The following KCNQ5 variants were observed in gnomAD, a reference collection of about 807,000 sequenced individuals.
The protein encoded by KCNQ5 is potassium voltage-gated channel subfamily Q member 5, also known as potassium voltage-gated channel subfamily KQT member 5.
KCNQ5 carries 30 observed loss-of-function variants against 98.2 expected under a neutral mutation model. The ratio of observed to expected loss-of-function variants is 0.31; its 90% CI spans 0.23 to 0.41. The LOEUF (loss-of-function observed/expected upper bound fraction) is 0.41, where lower values mean the gene tolerates loss of function less well. KCNQ5 is among the 10% of genes least tolerant of loss of function. The pLI, the probability that KCNQ5 is intolerant of heterozygous loss-of-function variation, is 1.00. For missense variants in KCNQ5, 835 were observed against 1,182.5 expected (o/e 0.71, Z 4.31); for synonymous variants, 458 against 449.4 (o/e 1.02, Z -0.24).
chr6:72,727,036 G>A (rs1158738570), intron 1 of KCNQ5, among the ~76,000 whole-genome samples: 2 of 152,176 alleles, frequency 1.3e-5, no homozygotes, highest in Non-Finnish European at 2.9e-5. Flanking sequence ...TGAAATATAA[G>A]TCAGTTGGTT....
At chr6:72,921,748 G>A (rs1458855170) in intron 1 of KCNQ5, among the ~76,000 whole-genome samples, 3 of 152,130 alleles carry the variant, frequency 2.0e-5, no homozygotes, top group Admixed American at 6.6e-5. Context: ...CTCTAAATTT[G>A]TTGACTAATC....
intron 3 of KCNQ5, 68 bp downstream of exon 3, chr6:73,042,130 C>T: frequency 6.4e-7 from 1 of 1,571,396 alleles, no homozygotes; most frequent in Admixed American, 1.7e-5. Flanking sequence ...TCCTGTTTTG[C>T]AATATTTGAT....
intron 1 of KCNQ5, among the ~76,000 whole-genome samples, chr6:72,697,000 G>A (rs1768538458): frequency 1.3e-5 from 2 of 152,086 alleles, no homozygotes; most frequent in African/African-American, 2.4e-5. Context: ...TTTATTTGAG[G>A]TCAATCGCGG....
chr6:72,780,937 GTGTTCTTTCCAC>G (rs1223000006), intron 1 of KCNQ5, among the ~76,000 whole-genome samples: 3 of 152,156 alleles, frequency 2.0e-5, no homozygotes, highest in African/African-American at 7.2e-5. Context: ...TCTGAGGCCA[GTGTTCTTTCCAC>G]TGTTTTCTTA....
At chr6:72,639,494 T>C (rs1312394015) in intron 1 of KCNQ5, among the ~76,000 whole-genome samples, 1 of 152,068 alleles carries the variant, frequency 6.6e-6, no homozygotes. Flanking sequence ...TGTGCAGACA[T>C]AGCAATCAGT....
At chr6:73,151,302 A>T (rs563857625) in intron 10 of KCNQ5, among the ~76,000 whole-genome samples, 1 of 152,150 alleles carries the variant, frequency 6.6e-6, no homozygotes, top group Non-Finnish European at 1.5e-5. Flanking sequence ...TGATATTTAC[A>T]TATCTCCATA....
intron 1 of KCNQ5, among the ~76,000 whole-genome samples, chr6:72,984,354 C>T (rs1302234772): frequency 6.6e-6 from 1 of 152,206 alleles, no homozygotes; most frequent in South Asian, 2.1e-4. Flanking sequence ...TGTTGAGCTG[C>T]GTGGGCTCCA....
chr6:72,892,856 C>A (rs1779110016), intron 1 of KCNQ5, among the ~76,000 whole-genome samples: 1 of 151,668 alleles, frequency 6.6e-6, no homozygotes, highest in Non-Finnish European at 1.5e-5. Context: ...CCTGTTTAAA[C>A]AAGAAAAAAG....
chr6:73,000,978 G>A (rs1211245350), intron 1 of KCNQ5, among the ~76,000 whole-genome samples: 1 of 152,152 alleles, frequency 6.6e-6, no homozygotes, highest in Admixed American at 6.5e-5. Context: ...TGCAAACTTT[G>A]ATAATTCTCG....
At position 72,627,883 on chromosome 6, in the gene KCNQ5, C is replaced by T. The variant is rs376167258; in HGVS notation, c.398+5296C>T. ...TTTCTTCAAAGTACAGTTCAAAGAT[C>T]ACTTCCTCTTGGGCATATTTCCAAA... On this transcript the variant is annotated intron_variant, in intron 1 of 13. Transcript: ENST00000370398. Among the ~76,000 whole-genome samples, 16 of 152,302 alleles carry T rather than the reference C, an allele frequency of 1.1e-4. No homozygotes were observed. In the East Asian group the frequency reaches 2.7e-3, roughly 26 times the overall value.
intron 1 of KCNQ5, among the ~76,000 whole-genome samples, chr6:72,623,854 T>C (rs1053960876): frequency 1.3e-5 from 2 of 152,286 alleles, no homozygotes; most frequent in Non-Finnish European, 1.5e-5. Flanking sequence ...CATACATAGC[T>C]CTCTCCTGGG....
intron 1 of KCNQ5, among the ~76,000 whole-genome samples, chr6:72,893,824 A>G (rs1044119083): frequency 1.3e-5 from 2 of 152,100 alleles, no homozygotes; most frequent in African/African-American, 4.8e-5. Flanking sequence ...CAATAGAAAT[A>G]TTGCCTCTAC....
At chr6:72,808,686 G>A (rs1775073722) in intron 1 of KCNQ5, among the ~76,000 whole-genome samples, 1 of 152,100 alleles carries the variant, frequency 6.6e-6, no homozygotes, top group Non-Finnish European at 1.5e-5. Flanking sequence ...GGTGGCTCAT[G>A]CCTATAATCC....
At chr6:72,803,266 A>G (rs1279934262) in intron 1 of KCNQ5, among the ~76,000 whole-genome samples, 1 of 152,186 alleles carries the variant, frequency 6.6e-6, no homozygotes, top group East Asian at 1.9e-4. Context: ...ATTTTTGCAT[A>G]TAAAAACCTG....
intron 1 of KCNQ5, among the ~76,000 whole-genome samples, chr6:72,639,926 T>A (rs2098926286): frequency 6.6e-6 from 1 of 151,442 alleles, no homozygotes; most frequent in African/African-American, 2.4e-5. Context: ...GATCCTGGAG[T>A]TATGGTAAAT....
At chr6:72,815,430 T>A (rs370103913) in intron 1 of KCNQ5, among the ~76,000 whole-genome samples, 148 of 152,256 alleles carry the variant, frequency 9.7e-4, no homozygotes, top group African/African-American at 3.4e-3. Flanking sequence ...ATGTGCAGAA[T>A]ATGTGGCTTT....
At chr6:72,773,712 CAT>C (rs67193400) in intron 1 of KCNQ5, among the ~76,000 whole-genome samples, 2,030 of 152,154 alleles carry the variant, frequency 0.013, 53 homozygotes, top group African/African-American at 0.046. Context: ...TACCTGAAAA[CAT>C]ATATTTTTTT....
At chr6:72,934,894 C>T (rs1765838408) in intron 1 of KCNQ5, among the ~76,000 whole-genome samples, 1 of 152,046 alleles carries the variant, frequency 6.6e-6, no homozygotes, top group Non-Finnish European at 1.5e-5. Flanking sequence ...CCACTGAAAC[C>T]TCTAATACAG....
chr6:73,192,736 T>A (rs977528648), intron 13 of KCNQ5, 45 bp downstream of exon 13: 2 of 1,490,582 alleles, frequency 1.3e-6, no homozygotes, highest in South Asian at 1.4e-5. Context: ...AGAATTTTTT[T>A]AATCAAAATT....
Sources: gnomAD v4.1 joint callset for allele counts (sites outside exome capture counted in the v4.1 genomes callset) on GRCh38, gnomAD v4.1.1 for gene constraint, MANE v1.5 for transcripts, NCBI Gene and HGNC (gene_info 2026-07-23, HGNC 2026-07-21) for gene names.